SF3B1: variants seen among roughly 807,000 people sequenced by gnomAD.
SF3B1 encodes splicing factor 3b subunit 1, also known as pre-mRNA processing 10.
SF3B1 carries 12 observed loss-of-function variants against 153.8 expected under a neutral mutation model. The ratio of observed to expected loss-of-function variants is 0.08; its 90% CI spans 0.05 to 0.13. The LOEUF is 0.13. Among genes scored for constraint, SF3B1 ranks in the 10% least tolerant of loss-of-function variants. SF3B1 has a pLI of 1.00. For synonymous variants in SF3B1, 498 were observed against 525.2 expected, an observed-to-expected ratio of 0.95 and a Z score of 0.71; for missense variants, 513 against 1,606.1, an observed-to-expected ratio of 0.32 and a Z score of 11.63.
chr2:197,408,810 C>A, intron 7 of SF3B1: 1 of 509,638 alleles, frequency 2.0e-6, no homozygotes. Flanking sequence ...GTAATCCCAG[C>A]TACTCAGGAG....
At chr2:197,397,386 TAGA>T (rs951342804) in intron 22 of SF3B1, among the ~76,000 whole-genome samples, 11 of 152,222 alleles carry the variant, frequency 7.2e-5, no homozygotes, top group African/African-American at 2.7e-4. Flanking sequence ...AGCAATATCC[TAGA>T]AGACCAGCAC....
intron 5 of SF3B1, among the ~76,000 whole-genome samples, chr2:197,418,015 C>A (rs1185176698): frequency 2.0e-5 from 3 of 151,702 alleles, no homozygotes; most frequent in Non-Finnish European, 2.9e-5. Flanking sequence ...ACAGGCAGAT[C>A]ACCTGAGGTC....
chr2:197,431,242 C>T (rs1194843835), intron 1 of SF3B1, among the ~76,000 whole-genome samples: 1 of 151,762 alleles, frequency 6.6e-6, no homozygotes, highest in African/African-American at 2.4e-5. Flanking sequence ...AACAGCCTCC[C>T]GAGGAGCTGG....
At position 197,392,925 on chromosome 2, in the gene SF3B1, A is replaced by AT. The variant is rs750390648; in HGVS notation, c.3756+46dup. 1.5e-4 allele frequency: 158 copies of AT among 1,048,536 alleles called. No individual in the cohort carries two copies. The African/African-American group carries it at 1.6e-3, about 10-fold the overall frequency. 65.0% of individuals were successfully genotyped at this position (1,048,536 alleles called of 1,614,324 possible). A position where few individuals can be genotyped will look rare whatever the true frequency, so the allele number is the denominator to read the frequency against. On this transcript the variant is annotated intron_variant, in intron 24 of 24. Transcript: ENST00000335508. ...CAAGTATCCCAGAACTTAAAGTATT[A>AT]TTTAAAAAAAAAAAATCACCGATTA...
chr2:197,429,938 G>T (rs775393912), intron 1 of SF3B1, among the ~76,000 whole-genome samples: 2 of 152,198 alleles, frequency 1.3e-5, no homozygotes, highest in Admixed American at 6.5e-5. Context: ...TAATGGGAAG[G>T]AGGGAACCAG....
At chr2:197,406,234 T>C (rs1407861181) in intron 9 of SF3B1, among the ~76,000 whole-genome samples, 1 of 151,034 alleles carries the variant, frequency 6.6e-6, no homozygotes, top group African/African-American at 2.4e-5. Flanking sequence ...CAAGACCCCA[T>C]CTCTATTTTA....
At chr2:197,409,312 A>C (rs2085035076) in intron 7 of SF3B1, among the ~76,000 whole-genome samples, 1 of 152,168 alleles carries the variant, frequency 6.6e-6, no homozygotes, top group African/African-American at 2.4e-5. Context: ...AGGCAGGAGA[A>C]TCGCCTGAAT....
intron 2 of SF3B1, 22 bp downstream of exon 2, chr2:197,423,786 T>G: frequency 6.2e-7 from 1 of 1,610,558 alleles, no homozygotes; most frequent in South Asian, 1.1e-5. Context: ...TAACTGCCTC[T>G]TGTACATAAT....
chr2:197,403,339 AGTTCTCATAT>A (rs2084955164), intron 12 of SF3B1, among the ~76,000 whole-genome samples: 1 of 152,242 alleles, frequency 6.6e-6, no homozygotes, highest in African/African-American at 2.4e-5. Flanking sequence ...AACTGGCGTT[AGTTCTCATAT>A]GTTCTCATCC....
At chr2:197,394,088 G>A (rs189014357) in intron 23 of SF3B1, among the ~76,000 whole-genome samples, 7 of 152,186 alleles carry the variant, frequency 4.6e-5, no homozygotes, top group African/African-American at 1.7e-4. Context: ...GGAGGCTGAG[G>A]CAGGAGAATC....
chr2:197,433,880 G>A (rs1176047553), intron 1 of SF3B1, among the ~76,000 whole-genome samples: 1 of 152,154 alleles, frequency 6.6e-6, no homozygotes, highest in Non-Finnish European at 1.5e-5. Flanking sequence ...TTTAAAACAC[G>A]GTCATGTAAC....
Position 197,398,448 on chromosome 2 carries a change from G to T in SF3B1, c.3134+13C>A. 6.2e-7 allele frequency: 1 copy of T among 1,611,632 alleles called. No individual in the cohort carries two copies. The highest frequency in any genetic ancestry group is 8.5e-7 in the Non-Finnish European group (1 of 1,179,286). ...TGATACTGCTTATAAAAATGTGTGGGTAATCTGCTTACCTGTCAGCAATAC... is the reference window on the plus strand; with the variant it reads ...TGATACTGCTTATAAAAATGTGTGGTTAATCTGCTTACCTGTCAGCAATAC... On this transcript the variant is annotated intron_variant, in intron 21 of 24. Transcript: ENST00000335508.
chr2:197,408,934 C>A (rs1021968178), intron 7 of SF3B1, among the ~76,000 whole-genome samples: 6 of 151,952 alleles, frequency 3.9e-5, no homozygotes, highest in South Asian at 4.2e-4. Flanking sequence ...ACAACAACAA[C>A]AAAAAAAGTA....
At chr2:197,429,856 T>A (rs1440715108) in intron 1 of SF3B1, among the ~76,000 whole-genome samples, 1 of 152,020 alleles carries the variant, frequency 6.6e-6, no homozygotes, top group Admixed American at 6.6e-5. Flanking sequence ...AGAACTATGC[T>A]CATACTTAGA....
chr2:197,398,134 C>T lies in SF3B1; in HGVS notation c.3135-18G>A, dbSNP rs376486501. On this transcript the variant is annotated intron_variant, in intron 21 of 24. Coordinates refer to ENST00000335508, the MANE Select transcript of SF3B1 (RefSeq NM_012433.4). The stretch of plus-strand genomic sequence containing the variant: ...CAGCTCCCCTAATTTAAAAAATACA[C>T]ATATTAATTATTGTGACATTAAGAA... 77 of 1,578,444 alleles carry T rather than the reference C, an allele frequency of 4.9e-5. No individual in the cohort carries two copies. The African/African-American group carries it at 8.8e-4, about 18-fold the overall frequency.
At chr2:197,397,928 A>T in intron 22 of SF3B1, 57 bp downstream of exon 22, 1 of 1,317,242 alleles carries the variant, frequency 7.6e-7, no homozygotes, top group Non-Finnish European at 1.1e-6. Context: ...ATTTTCCAAT[A>T]CCACAATGCA....
chr2:197,428,860 A>G (rs1172412646), intron 1 of SF3B1, among the ~76,000 whole-genome samples: 2 of 151,982 alleles, frequency 1.3e-5, no homozygotes, highest in East Asian at 3.9e-4. Flanking sequence ...ACAGCACTGC[A>G]CTCTGGCCTG....
At chr2:197,424,345 A>G (rs2085297286) in intron 1 of SF3B1, among the ~76,000 whole-genome samples, 1 of 152,180 alleles carries the variant, frequency 6.6e-6, no homozygotes, top group African/African-American at 2.4e-5. Context: ...ACTAAAAAAT[A>G]CAAAAAGTAG....
At position 197,408,589 on chromosome 2, in the gene SF3B1, A is replaced by G; in HGVS notation, c.905-8T>C. On this transcript the variant is annotated splice_polypyrimidine_tract_variant and splice_region_variant and intron_variant, in intron 7 of 24. Transcript: ENST00000335508. ...TTCCATGCCCAGGAGTATCTTTAAA[A>G]AGAAAGAGTGAGTAAAACCACAATT... The G allele has an allele frequency of 3.8e-6, 6 of 1,595,922 alleles. No individual in the cohort carries two copies. In the South Asian group the frequency reaches 6.6e-5, roughly 18 times the overall value.
Sources: gnomAD v4.1 joint callset for allele counts (sites outside exome capture counted in the v4.1 genomes callset) on GRCh38, gnomAD v4.1.1 for gene constraint, MANE v1.5 for transcripts, NCBI Gene and HGNC (gene_info 2026-07-23, HGNC 2026-07-21) for gene names.